ARSG: variants seen among roughly 807,000 people sequenced by gnomAD.
The protein encoded by ARSG is arylsulfatase G.
A neutral mutation model predicts 50.5 loss-of-function variants in ARSG; 37 were observed. That is an observed-to-expected ratio of 0.73 (90% CI 0.56 to 0.96). The LOEUF (loss-of-function observed/expected upper bound fraction) is 0.96, where lower values mean the gene tolerates loss of function less well. Among genes scored for constraint, ARSG ranks in the 50% least tolerant of loss-of-function variants. The pLI is 0.00. For missense variants in ARSG, 629 were observed against 675.3 expected (o/e 0.93, Z 0.76); for synonymous variants, 225 against 254.6 (o/e 0.88, Z 1.11).
At chr17:68,331,390 G>A (rs1424904152) in intron 2 of ARSG, among the ~76,000 whole-genome samples, 3 of 151,930 alleles carry the variant, frequency 2.0e-5, no homozygotes, top group Admixed American at 6.6e-5. Flanking sequence ...GACTACAGGC[G>A]CCCACCAGCT....
intron 10 of ARSG, among the ~76,000 whole-genome samples, chr17:68,397,586 T>A (rs1484309283): frequency 2.0e-5 from 3 of 152,036 alleles, no homozygotes; most frequent in Non-Finnish European, 4.4e-5. Flanking sequence ...AAATTTGGAA[T>A]AGCTATGGGG....
At chr17:68,275,933 A>G (rs1555750749) in intron 1 of ARSG, among the ~76,000 whole-genome samples, 1 of 150,826 alleles carries the variant, frequency 6.6e-6, no homozygotes, top group Admixed American at 6.6e-5. Flanking sequence ...CAGTGAGCTG[A>G]GACCGCACCA....
At chr17:68,329,967 T>C (rs1027988026) in intron 2 of ARSG, among the ~76,000 whole-genome samples, 1 of 152,182 alleles carries the variant, frequency 6.6e-6, no homozygotes, top group Admixed American at 6.5e-5. Flanking sequence ...CCCAGCACTT[T>C]GGGAAGCCAA....
intron 9 of ARSG, among the ~76,000 whole-genome samples, chr17:68,392,864 A>G (rs2081060999): frequency 6.6e-6 from 1 of 152,262 alleles, no homozygotes; most frequent in African/African-American, 2.4e-5. Context: ...TCCACATATC[A>G]TGGCATTTTG....
chr17:68,315,639 G>T (rs2077041766), intron 2 of ARSG, among the ~76,000 whole-genome samples: 1 of 151,920 alleles, frequency 6.6e-6, no homozygotes, highest in Admixed American at 6.6e-5. Flanking sequence ...ATTGTATTTA[G>T]TTATTTATTT....
At chr17:68,294,406 A>G (rs938760697) in intron 1 of ARSG, among the ~76,000 whole-genome samples, 1 of 152,190 alleles carries the variant, frequency 6.6e-6, no homozygotes, top group Non-Finnish European at 1.5e-5. Context: ...TGCTAGGCAG[A>G]TATGACCCTG....
Position 68,364,552 on chromosome 17 carries a change from G to A in ARSG, c.705-3996G>A, listed in dbSNP as rs559894752. Among the ~76,000 whole-genome samples, 26 of 152,204 alleles carry A rather than the reference G, an allele frequency of 1.7e-4. 1 individual carries two copies. In the East Asian group the frequency reaches 5.0e-3, roughly 29 times the overall value. ...TTTTTGTATTTTTAGTAGAGACAGG[G>A]TTTCACCATGTTGGCCAGGCTGGTC... On this transcript the variant is annotated intron_variant, in intron 6 of 11. Transcript: ENST00000621439.
the ARSG span, chr17:68,434,422 G>C: frequency 1.2e-6 from 1 of 823,272 alleles, no homozygotes; most frequent in East Asian, 2.8e-5. Flanking sequence ...TCAATTACCT[G>C]GGAGAGTAGT....
chr17:68,451,509 G>C, the ARSG span, among the ~76,000 whole-genome samples: 1 of 152,232 alleles, frequency 6.6e-6, no homozygotes, highest in Admixed American at 6.5e-5. Flanking sequence ...GATGCTGTCT[G>C]AGTGGCAGAA....
chr17:68,291,127 T>C (rs2075970017), upstream of ARSG: 1 of 152,128 alleles, frequency 6.6e-6, no homozygotes, highest in East Asian at 1.9e-4. Context: ...AGGCTCCCAA[T>C]AAGGCGGAGG....
intron 1 of ARSG, chr17:68,273,995 G>T (rs1192327611): frequency 1.9e-6 from 3 of 1,614,158 alleles, no homozygotes; most frequent in Admixed American, 3.3e-5. Flanking sequence ...CACCATCCCG[G>T]TGCTGACAAG....
chr17:68,427,063 G>C (rs1177875881), downstream of ARSG: 2 of 1,269,054 alleles, frequency 1.6e-6, no homozygotes, highest in Admixed American at 1.7e-5. Context: ...GGGAAGGGGA[G>C]GGAGCGTGCA....
the ARSG span, among the ~76,000 whole-genome samples, chr17:68,434,345 C>A: frequency 6.6e-6 from 1 of 152,194 alleles, no homozygotes; most frequent in Non-Finnish European, 1.5e-5. Flanking sequence ...GGGACTCTCA[C>A]GGCTGAACTG....
In ARSG at chr17:68,351,668, A is replaced by C; in HGVS notation, c.548A>C (p.Gln183Pro). The C allele has an allele frequency of 1.9e-6, 3 of 1,611,570 alleles. No individual in the cohort carries two copies. The highest frequency in any genetic ancestry group is 2.5e-6 in the Non-Finnish European group (3 of 1,177,678). ...YNHPPCPACP[Q>P]GDGPSRNLQR... Reference sequence around the variant, plus strand: ...CACCCTCCTTGTCCAGCGTGTCCACAGGGTGATGGACCATCAAGGTAATGC... The same window carrying C: ...CACCCTCCTTGTCCAGCGTGTCCACCGGGTGATGGACCATCAAGGTAATGC... The change falls in exon 5 of 12, where the codon CAG (glutamine) becomes CCG (proline). Residue 183 changes from glutamine to proline, a missense_variant. Transcript: ENST00000621439.
chr17:68,288,329 G>C (rs568494044), upstream of ARSG, among the ~76,000 whole-genome samples: 43 of 152,202 alleles, frequency 2.8e-4, no homozygotes, highest in African/African-American at 8.9e-4. Flanking sequence ...CATTCCTTCA[G>C]CAGAAGGCCA....
At chr17:68,314,330 C>T (rs2076985507) in intron 2 of ARSG, among the ~76,000 whole-genome samples, 1 of 151,884 alleles carries the variant, frequency 6.6e-6, no homozygotes, top group South Asian at 2.1e-4. Flanking sequence ...AGTTTGAGAC[C>T]AGCCTGACCA....
chr17:68,326,480 G>T lies in ARSG; in HGVS notation c.219-17124G>T, dbSNP rs577950364. ...AGGAGTTTGAGACCAGCCTGGCCAA[G>T]ATGGTGAAACTCCGTCTCTACTCTA... On this transcript the variant is annotated intron_variant, in intron 2 of 11. Coordinates refer to ENST00000621439, the MANE Select transcript of ARSG (RefSeq NM_001267727.2). 5.3e-5 allele frequency among the ~76,000 whole-genome samples: 8 copies of T among 152,294 alleles called. No individual in the cohort carries two copies. The South Asian group carries it at 1.7e-3, about 32-fold the overall frequency.
chr17:68,288,754 T>C (rs1241531026), upstream of ARSG, among the ~76,000 whole-genome samples: 1 of 152,162 alleles, frequency 6.6e-6, no homozygotes, highest in Non-Finnish European at 1.5e-5. Context: ...GGCCGAAGAG[T>C]TGGTCTTCTT....
intron 2 of ARSG, among the ~76,000 whole-genome samples, chr17:68,309,140 G>C (rs1442695864): frequency 3.9e-5 from 6 of 152,220 alleles, no homozygotes; most frequent in Non-Finnish European, 8.8e-5. Flanking sequence ...ACCCTCCGCA[G>C]CTGCTGGCCC....
Sources: allele counts gnomAD v4.1 joint callset (sites outside exome capture counted in the v4.1 genomes callset), GRCh38; gene constraint gnomAD v4.1.1; transcripts MANE v1.5; gene names NCBI Gene and HGNC (gene_info 2026-07-23, HGNC 2026-07-21).